The following RBFOX1 variants were observed in gnomAD, a reference collection of about 807,000 sequenced individuals.
RBFOX1 encodes the protein RNA binding protein fox-1 homolog 1.
A neutral mutation model predicts 57.7 loss-of-function variants in RBFOX1; 8 were observed. That is an observed-to-expected ratio of 0.14 (90% CI 0.08 to 0.25). RBFOX1 has a LOEUF of 0.25. Among genes scored for constraint, RBFOX1 ranks in the 10% least tolerant of loss-of-function variants. RBFOX1 has a pLI of 1.00. For missense variants in RBFOX1, 611 were observed against 548.5 expected, an observed-to-expected ratio of 1.11 and a Z score of -1.14; for synonymous variants, 326 against 222.4, an observed-to-expected ratio of 1.47 and a Z score of -4.15.
intron 4 of RBFOX1, among the ~76,000 whole-genome samples, chr16:7,416,542 G>T (rs2098479658): frequency 6.6e-6 from 1 of 152,154 alleles, no homozygotes; most frequent in African/African-American, 2.4e-5. Flanking sequence ...GTAAACAGAA[G>T]ATCGGGGCTA....
intron 2 of RBFOX1, among the ~76,000 whole-genome samples, chr16:6,532,024 T>C (rs574130611): frequency 1.3e-5 from 2 of 152,316 alleles, no homozygotes; most frequent in African/African-American, 4.8e-5. Flanking sequence ...GTCTCCTCCA[T>C]GGGAAGAAAT....
intron 4 of RBFOX1, among the ~76,000 whole-genome samples, chr16:7,230,171 A>C (rs893602779): frequency 6.6e-6 from 1 of 151,040 alleles, no homozygotes; most frequent in African/African-American, 2.5e-5. Context: ...TCGTTTACTC[A>C]TTTCACTTTT....
At chr16:6,381,508 G>A (rs2091811959) in intron 2 of RBFOX1, among the ~76,000 whole-genome samples, 1 of 152,304 alleles carries the variant, frequency 6.6e-6, no homozygotes, top group African/African-American at 2.4e-5. Context: ...TATATCTTTG[G>A]AGTTTGTGTG....
chr16:5,818,400 C>A (rs182347027), intron 3 of RBFOX1, among the ~76,000 whole-genome samples: 2 of 152,276 alleles, frequency 1.3e-5, no homozygotes, highest in East Asian at 3.9e-4. Flanking sequence ...TGTCCTATTT[C>A]CTGCTCTTGG....
At chr16:6,355,323 C>A (rs1386260674) in intron 2 of RBFOX1, among the ~76,000 whole-genome samples, 2 of 151,998 alleles carry the variant, frequency 1.3e-5, no homozygotes, top group Non-Finnish European at 2.9e-5. Flanking sequence ...TGTGATGTTC[C>A]CCTCCCTATA....
chr16:6,847,912 A>G (rs1278329819), intron 3 of RBFOX1, among the ~76,000 whole-genome samples: 1 of 152,018 alleles, frequency 6.6e-6, no homozygotes, highest in Admixed American at 6.5e-5. Context: ...ATCTTGGCTC[A>G]CTGCAACCTC....
intron 3 of RBFOX1, among the ~76,000 whole-genome samples, chr16:6,996,918 C>G (rs1183909991): frequency 6.6e-6 from 1 of 151,984 alleles, no homozygotes; most frequent in Admixed American, 6.6e-5. Flanking sequence ...AACTTTGCAT[C>G]CAGGAAATCA....
At chr16:5,992,754 T>C (rs1234852712) in intron 4 of RBFOX1, among the ~76,000 whole-genome samples, 1 of 152,132 alleles carries the variant, frequency 6.6e-6, no homozygotes, top group Non-Finnish European at 1.5e-5. Flanking sequence ...GCCAACATGG[T>C]GAAACCTTGT....
chr16:7,365,769 A>G (rs2097431663), intron 4 of RBFOX1, among the ~76,000 whole-genome samples: 2 of 152,204 alleles, frequency 1.3e-5, no homozygotes, highest in South Asian at 4.1e-4. Context: ...ATGTAAACAC[A>G]ACTCAAGTCA....
rs369210516 is a variant in RBFOX1, at chr16:5,629,380, G to A, written c.318+30419G>A. Among the ~76,000 whole-genome samples the A allele has an allele frequency of 6.6e-5, 10 of 152,318 alleles. No homozygotes were observed. In the East Asian group the frequency reaches 9.7e-4, roughly 15 times the overall value. ...AGCTATAAACCCACACAGCTCTGCC[G>A]TGGTCAACCAGGACTGCCAGTGGTA... On this transcript the variant is annotated intron_variant, in intron 3 of 19. Coordinates refer to the RBFOX1 transcript ENST00000641259.
chr16:7,213,954 C>T (rs926945888), intron 4 of RBFOX1, among the ~76,000 whole-genome samples: 2 of 152,036 alleles, frequency 1.3e-5, no homozygotes, highest in African/African-American at 4.8e-5. Flanking sequence ...CTAAAATATT[C>T]CATTTGCACC....
chr16:6,729,148 A>T (rs1481843031), intron 3 of RBFOX1, among the ~76,000 whole-genome samples: 3 of 152,080 alleles, frequency 2.0e-5, no homozygotes. Flanking sequence ...GATTTTGCTG[A>T]TATTTTCTTC....
intron 4 of RBFOX1, among the ~76,000 whole-genome samples, chr16:5,958,530 T>G (rs566290264): frequency 6.6e-6 from 1 of 152,126 alleles, no homozygotes; most frequent in African/African-American, 2.4e-5. Context: ...TGCCCCAGTT[T>G]CCCCATCTGA....
At chr16:6,337,356 G>A (rs1481290868) in intron 2 of RBFOX1, among the ~76,000 whole-genome samples, 2 of 152,182 alleles carry the variant, frequency 1.3e-5, no homozygotes, top group Admixed American at 1.3e-4. Context: ...TATGGGGTGA[G>A]TAATTTGAAT....
chr16:6,328,513 G>T (rs1203377590), intron 2 of RBFOX1, among the ~76,000 whole-genome samples: 2 of 152,020 alleles, frequency 1.3e-5, no homozygotes, highest in African/African-American at 4.8e-5. Flanking sequence ...AGACCCTATG[G>T]GTCACATCTA....
chr16:6,101,609 C>T (rs1168358242), intron 1 of RBFOX1, among the ~76,000 whole-genome samples: 2 of 152,170 alleles, frequency 1.3e-5, no homozygotes, highest in Admixed American at 6.5e-5. Context: ...GCCTCACCCT[C>T]CGGAGTAGCT....
At chr16:6,715,021 G>A (rs765303474) in intron 3 of RBFOX1, among the ~76,000 whole-genome samples, 1 of 152,178 alleles carries the variant, frequency 6.6e-6, no homozygotes, top group Non-Finnish European at 1.5e-5. Flanking sequence ...GTCTAGGAAG[G>A]AGGGGTAACT....
At chr16:7,337,754 G>A (rs1040825218) in intron 4 of RBFOX1, among the ~76,000 whole-genome samples, 3 of 152,012 alleles carry the variant, frequency 2.0e-5, no homozygotes, top group Admixed American at 6.6e-5. Flanking sequence ...GCGCAATCTC[G>A]GCTCATTGCA....
chr16:7,323,251 C>A (rs1223962070), intron 4 of RBFOX1, among the ~76,000 whole-genome samples: 1 of 152,070 alleles, frequency 6.6e-6, no homozygotes, highest in African/African-American at 2.4e-5. Flanking sequence ...AGCGAGACCC[C>A]CATCTCTGAA....
Sources: allele counts gnomAD v4.1 joint callset (sites outside exome capture counted in the v4.1 genomes callset), GRCh38; gene constraint gnomAD v4.1.1; transcripts MANE v1.5; gene names NCBI Gene and HGNC (gene_info 2026-07-23, HGNC 2026-07-21).